RNF7: variants seen among roughly 807,000 people sequenced by gnomAD.
RNF7 encodes the protein ring finger protein 7.
Under a neutral mutation model 17.0 loss-of-function variants are expected in RNF7, and 9 were observed. The ratio of observed to expected loss-of-function variants is 0.53; its 90% CI spans 0.32 to 0.92. The LOEUF is 0.92. RNF7 is among the 40% of genes least tolerant of loss of function. The pLI is 0.04. For missense variants in RNF7, 87 were observed against 145.8 expected (o/e 0.60, Z 2.08); for synonymous variants, 59 against 50.5 (o/e 1.17, Z -0.72).
At chr3:141,740,781 G>A (rs1437829700) in intron 1 of RNF7, among the ~76,000 whole-genome samples, 2 of 152,132 alleles carry the variant, frequency 1.3e-5, no homozygotes, top group African/African-American at 4.8e-5. Flanking sequence ...GTAGATTTGG[G>A]TCAGTTTTGA....
Position 141,745,367 on chromosome 3 carries a change from G to A in RNF7, c.*90G>A, listed in dbSNP as rs987501036. 6.6e-6 allele frequency: 5 copies of A among 754,618 alleles called. No individual in the cohort carries two copies. Among genetic ancestry groups the A allele is most frequent in the Non-Finnish European group, 1.1e-5 (5 of 455,512 alleles). The allele number at this position is 754,618 out of a possible 1,614,324, so 46.7% of individuals were successfully genotyped here. A position where few individuals can be genotyped will look rare whatever the true frequency, so the allele number is the denominator to read the frequency against. ...CTACAAAGGCTAGAACACTACAGGGGATGAATTCTTCAAATAGGAGCCGAT... is the reference window on the plus strand; with the variant it reads ...CTACAAAGGCTAGAACACTACAGGGAATGAATTCTTCAAATAGGAGCCGAT... On this transcript the variant is annotated 3_prime_UTR_variant, in exon 3 of 3. Transcript: ENST00000273480.
chr3:141,739,128 T>A (rs550518254), intron 1 of RNF7, among the ~76,000 whole-genome samples: 3 of 152,316 alleles, frequency 2.0e-5, no homozygotes, highest in African/African-American at 7.2e-5. Flanking sequence ...TTAAGACGGG[T>A]CAGATAGCAC....
Position 141,745,845 on chromosome 3 carries a change from G to T in RNF7, c.*568G>T, listed in dbSNP as rs1333660946. 1 of 152,092 alleles carries T rather than the reference G, an allele frequency of 6.6e-6. No homozygotes were observed. Among genetic ancestry groups the T allele is most frequent in the Non-Finnish European group, 1.5e-5 (1 of 68,050 alleles). 9.4% of individuals were successfully genotyped at this position (152,092 alleles called of 1,614,324 possible). On this transcript the variant is annotated 3_prime_UTR_variant, in exon 3 of 3. Coordinates refer to ENST00000273480, the MANE Select transcript of RNF7 (RefSeq NM_014245.5). Reference sequence around the variant, plus strand: ...TTAACTTTTGAGCATATGGAATTTTGATTGCCTTTAAAGTTACTATTCTGT... The same window carrying T: ...TTAACTTTTGAGCATATGGAATTTTTATTGCCTTTAAAGTTACTATTCTGT...
chr3:141,739,630 AG>A (rs1384948870), intron 1 of RNF7, among the ~76,000 whole-genome samples: 1 of 152,196 alleles, frequency 6.6e-6, no homozygotes, highest in Non-Finnish European at 1.5e-5. Flanking sequence ...GCTCACCTTA[AG>A]GGGGGTGAGA....
chr3:141,747,526 AGTG>A lies in RNF7; in HGVS notation c.*2250_*2252del, dbSNP rs1201467705. On this transcript the variant is annotated 3_prime_UTR_variant, in exon 3 of 3. Coordinates refer to ENST00000273480, the MANE Select transcript of RNF7 (RefSeq NM_014245.5). ...ACTGTGTCCCCCTTTACTGTCATGA[AGTG>A]AAATTCATAAATATATTTCCTACAC... The A allele has an allele frequency of 6.6e-6, 1 of 152,220 alleles. No individual in the cohort carries two copies. Among genetic ancestry groups the A allele is most frequent in the East Asian group, 1.9e-4 (1 of 5,204 alleles). 9.4% of individuals were successfully genotyped at this position (152,220 alleles called of 1,614,324 possible). A position where few individuals can be genotyped will look rare whatever the true frequency, so the allele number is the denominator to read the frequency against.
rs765626570 is a variant in RNF7, at chr3:141,738,534, G to C, written c.175+18G>C. On this transcript the variant is annotated intron_variant, in intron 1 of 2. Transcript: ENST00000273480. Reference sequence around the variant, plus strand: ...GGTGATGGGTAAGCGCTGCACGCGAGTCCAGGGCCGCCCTGCGGCCTCCGG... The same window carrying C: ...GGTGATGGGTAAGCGCTGCACGCGACTCCAGGGCCGCCCTGCGGCCTCCGG... 6.3e-7 allele frequency: 1 copy of C among 1,590,146 alleles called. No individual in the cohort carries two copies. Among genetic ancestry groups the C allele is most frequent in the South Asian group, 1.1e-5 (1 of 88,926 alleles).
At chr3:141,743,035 C>G (rs191497751) in intron 1 of RNF7, 138 of 436,804 alleles carry the variant, frequency 3.2e-4, no homozygotes, top group African/African-American at 2.8e-3. Context: ...AGTGAAAACT[C>G]TCCTTCCCAT....
chr3:141,743,962 A>G (rs2084446387), intron 2 of RNF7, among the ~76,000 whole-genome samples: 1 of 152,220 alleles, frequency 6.6e-6, no homozygotes, highest in Non-Finnish European at 1.5e-5. Context: ...TTAAAACCAG[A>G]GTAGAAAAAT....
At position 141,738,341 on chromosome 3, in the gene RNF7, C is replaced by A. The variant is rs1304040051; in HGVS notation, c.-1C>A. ...TCCGCCGTCGGCTCCGCGGCGCCGC[C>A]ATGGCCGACGTGGAAGACGGAGAGG... On this transcript the variant is annotated 5_prime_UTR_variant, in exon 1 of 3. Transcript: ENST00000273480. 1 of 1,565,522 alleles carries A rather than the reference C, an allele frequency of 6.4e-7. No homozygotes were observed. Among genetic ancestry groups the A allele is most frequent in the Non-Finnish European group, 8.7e-7 (1 of 1,155,482 alleles).
Position 141,745,240 on chromosome 3 carries a change from G to A in RNF7, c.305G>A (p.Cys102Tyr). 6.2e-6 allele frequency: 10 copies of A among 1,612,742 alleles called. No homozygotes were observed. The highest frequency in any genetic ancestry group is 8.5e-6 in the Non-Finnish European group (10 of 1,179,800). ...AAACAGAACAATCGCTGCCCTCTCT[G>A]CCAGCAGGACTGGGTGGTCCAAAGA... ...WVKQNNRCPL[C>Y]QQDWVVQRIG... The change falls in exon 3 of 3, where the codon TGC becomes TAC. Residue 102 changes from cysteine (C) to tyrosine (Y), a missense_variant. Around this residue, in one of 2 missense-constraint regions of RNF7, gnomAD observed 36 missense variants for 104.7 expected, o/e 0.34. Transcript: ENST00000273480.
chr3:141,741,200 C>T (rs1188374548), intron 1 of RNF7, among the ~76,000 whole-genome samples: 1 of 152,234 alleles, frequency 6.6e-6, no homozygotes, highest in Non-Finnish European at 1.5e-5. Context: ...TTGCACAGAA[C>T]TAGCGCCAGA....
At chr3:141,744,770 A>G (rs368501662) in intron 2 of RNF7, among the ~76,000 whole-genome samples, 1 of 152,246 alleles carries the variant, frequency 6.6e-6, no homozygotes, top group African/African-American at 2.4e-5. Context: ...TGTCTTGGTA[A>G]ATAAAAATTG....
chr3:141,743,360 T>C, intron 1 of RNF7, 149 bp from the exon 2 acceptor site: 2 of 540,576 alleles, frequency 3.7e-6, no homozygotes, highest in East Asian at 6.0e-5. Flanking sequence ...ACTTTATTCC[T>C]CTTTAAGTAG....
chr3:141,739,632 G>C (rs1359159304), intron 1 of RNF7, among the ~76,000 whole-genome samples: 2 of 152,176 alleles, frequency 1.3e-5, no homozygotes, highest in Non-Finnish European at 2.9e-5. Context: ...TCACCTTAAG[G>C]GGGGTGAGAC....
intron 1 of RNF7, chr3:141,742,643 G>C: frequency 8.6e-7 from 1 of 1,158,262 alleles, no homozygotes; most frequent in Non-Finnish European, 1.2e-6. Flanking sequence ...CTTTTTTACA[G>C]ATGAGGGAAT....
intron 1 of RNF7, chr3:141,742,774 T>G (rs1455180384): frequency 4.7e-6 from 6 of 1,276,218 alleles, no homozygotes; most frequent in Non-Finnish European, 6.1e-6. Flanking sequence ...CTCACCAGCC[T>G]TGTCTGGATG....
At chr3:141,740,517 C>T (rs2084405782) in intron 1 of RNF7, among the ~76,000 whole-genome samples, 1 of 152,150 alleles carries the variant, frequency 6.6e-6, no homozygotes, top group African/African-American at 2.4e-5. Context: ...ATCAGTCTTG[C>T]ATATTTACAA....
At position 141,738,455 on chromosome 3, in the gene RNF7, G is replaced by T. The variant is rs17850027; in HGVS notation, c.114G>T (p.Val38=). The T allele has an allele frequency of 1.2e-5, 20 of 1,613,654 alleles. No homozygotes were observed. The Admixed American group carries it at 3.3e-4, about 27-fold the overall frequency. Residue 38 remains valine (V), a synonymous_variant, in exon 1 of 3, where the codon GTG becomes GTT. Coordinates refer to ENST00000273480, the MANE Select transcript of RNF7 (RefSeq NM_014245.5). ...KMFSLKKWNA[V]AMWSWDVECD... ...TCTCCCTCAAGAAGTGGAACGCGGT[G>T]GCCATGTGGAGCTGGGACGTGGAGT...
intron 1 of RNF7, among the ~76,000 whole-genome samples, chr3:141,741,229 A>C (rs1266429694): frequency 6.6e-6 from 1 of 152,240 alleles, no homozygotes; most frequent in Non-Finnish European, 1.5e-5. Flanking sequence ...GGATGTCTTC[A>C]CTGTTATATC....
Sources: gnomAD v4.1 joint callset for allele counts (sites outside exome capture counted in the v4.1 genomes callset) on GRCh38, gnomAD v4.1.1 for gene constraint, gnomAD v4.1.1 regional missense constraint, MANE v1.5 for transcripts, NCBI Gene and HGNC (gene_info 2026-07-23, HGNC 2026-07-21) for gene names.